The following PDE11A variants were observed in gnomAD, a reference collection of about 807,000 sequenced individuals.
PDE11A encodes phosphodiesterase 11A, also known as dual 3',5'-cyclic-AMP and -GMP phosphodiesterase 11A.
PDE11A carries 100 observed loss-of-function variants against 100.5 expected under a neutral mutation model. That is an observed-to-expected ratio of 1.00 (90% CI 0.85 to 1.18). PDE11A has a LOEUF of 1.18. Ranked by LOEUF, PDE11A falls within the 50% of genes most tolerant of loss-of-function variation. PDE11A has a pLI of 0.00. For synonymous variants in PDE11A, 381 were observed against 420.8 expected (o/e 0.91, Z 1.16); for missense variants, 1,141 against 1,152.6 (o/e 0.99, Z 0.15).
intron 1 of PDE11A, among the ~76,000 whole-genome samples, chr2:178,060,457 G>A (rs544702651): frequency 6.6e-6 from 1 of 151,994 alleles, no homozygotes; most frequent in Admixed American, 6.6e-5. Context: ...TTTTTACTGA[G>A]CCCAAACAAA....
At chr2:177,836,065 T>C (rs1198451334) in intron 6 of PDE11A, among the ~76,000 whole-genome samples, 1 of 152,234 alleles carries the variant, frequency 6.6e-6, no homozygotes, top group African/African-American at 2.4e-5. Context: ...GGGCACACAG[T>C]GCAGGACTGA....
intron 16 of PDE11A, among the ~76,000 whole-genome samples, chr2:177,677,712 G>A (rs1309319637): frequency 6.6e-6 from 1 of 152,156 alleles, no homozygotes; most frequent in African/African-American, 2.4e-5. Flanking sequence ...AGATTGCAAA[G>A]GAAGAACTGA....
chr2:177,876,066 G>A (rs2084235824), intron 4 of PDE11A, 143 bp from the exon 5 acceptor site: 1 of 682,136 alleles, frequency 1.5e-6, no homozygotes, highest in Non-Finnish European at 2.7e-6. Flanking sequence ...TCCCAAGACA[G>A]AGTAGAAGAG....
intron 2 of PDE11A, among the ~76,000 whole-genome samples, chr2:177,950,236 C>CAG (rs1175591184): frequency 1.4e-5 from 2 of 143,376 alleles, no homozygotes; most frequent in African/African-American, 5.1e-5. Flanking sequence ...TTTTTTTTTG[C>CAG]ACCTTTTCCA....
In PDE11A at chr2:177,903,783, A is replaced by G. The variant is rs145503722; in HGVS notation, c.1161+1315T>C. On this transcript the variant is annotated intron_variant, in intron 3 of 19. Coordinates refer to ENST00000286063, the MANE Select transcript of PDE11A (RefSeq NM_016953.4). ...TGTGGTTGGAAGGAGTTGGATTGAC[A>G]TGAGGCATTGAAGGCCGAGGGAGGA... is the stretch of plus-strand genomic sequence containing the variant. Among the ~76,000 whole-genome samples the G allele has an allele frequency of 2.5e-3, 381 of 152,338 alleles. 1 individual carries two copies. The highest frequency in any genetic ancestry group is 3.6e-3 in the Non-Finnish European group (246 of 68,028).
At chr2:177,745,087 A>G (rs1366813734) in intron 10 of PDE11A, among the ~76,000 whole-genome samples, 2 of 152,206 alleles carry the variant, frequency 1.3e-5, no homozygotes, top group Non-Finnish European at 2.9e-5. Context: ...ATATTGCCCC[A>G]GCATTTTTAG....
intron 18 of PDE11A, 92 bp downstream of exon 18, chr2:177,669,401 C>T: frequency 2.7e-6 from 2 of 754,254 alleles, no homozygotes; most frequent in Non-Finnish European, 4.9e-6. Context: ...AACCCATTTT[C>T]AGTCTTTCCC....
chr2:177,788,034 G>A (rs537517282), intron 9 of PDE11A, among the ~76,000 whole-genome samples: 59 of 151,886 alleles, frequency 3.9e-4, no homozygotes, highest in African/African-American at 8.2e-4. Context: ...TGCACCAAGC[G>A]GACCTAATAG....
At chr2:177,790,133 A>C (rs2082607705) in intron 9 of PDE11A, among the ~76,000 whole-genome samples, 1 of 151,350 alleles carries the variant, frequency 6.6e-6, no homozygotes, top group African/African-American at 2.4e-5. Context: ...ACCTGACTTC[A>C]AACTATACTA....
rs763032610 is a variant in PDE11A at position 177,680,835 on chromosome 2, T to C, written c.2414A>G (p.Asp805Gly). The C allele has an allele frequency of 3.6e-5, 57 of 1,566,444 alleles. No homozygotes were observed. Among genetic ancestry groups the C allele is most frequent in the Non-Finnish European group, 4.6e-5 (52 of 1,137,576 alleles). The change falls in exon 16 of 20, where the codon GAT becomes GGT. Residue 805 changes from aspartate to glycine, a missense_variant. Coordinates refer to ENST00000286063, the MANE Select transcript of PDE11A (RefSeq NM_016953.4). ...EYDWNIKNHR[D>G]IFRSMLMTAC... ...AAGAGCTTTTTCTTACCGAAATATATCACGATGGTTTTTGATGTTCCAATC... is the reference window on the plus strand; with the variant it reads ...AAGAGCTTTTTCTTACCGAAATATACCACGATGGTTTTTGATGTTCCAATC...
chr2:177,641,520 G>A (rs532393932), intron 19 of PDE11A, among the ~76,000 whole-genome samples: 5 of 152,020 alleles, frequency 3.3e-5, no homozygotes, highest in African/African-American at 9.6e-5. Context: ...GGAGCTGGCT[G>A]TGGAGTCCAG....
At chr2:178,105,847 C>A in intron 1 of PDE11A, 1 of 339,346 alleles carries the variant, frequency 2.9e-6, no homozygotes. Flanking sequence ...TAAACACTTG[C>A]GGTTTCTGTC....
At chr2:177,771,995 C>G (rs1407323709) in intron 9 of PDE11A, among the ~76,000 whole-genome samples, 2 of 145,460 alleles carry the variant, frequency 1.4e-5, no homozygotes, top group Non-Finnish European at 3.0e-5. Context: ...GAGTGAGACT[C>G]TGTCTCAATA....
intron 13 of PDE11A, among the ~76,000 whole-genome samples, chr2:177,711,526 G>A (rs1346923864): frequency 1.3e-5 from 2 of 152,146 alleles, no homozygotes; most frequent in African/African-American, 4.8e-5. Flanking sequence ...TCCAAGCTTT[G>A]TTATCTGAGT....
intron 1 of PDE11A, among the ~76,000 whole-genome samples, chr2:178,025,071 G>A: frequency 6.6e-6 from 1 of 152,278 alleles, no homozygotes; most frequent in East Asian, 1.9e-4. Context: ...GAGAAAAAGT[G>A]AAAAATTATC....
intron 1 of PDE11A, among the ~76,000 whole-genome samples, chr2:178,021,544 A>G (rs1024373302): frequency 1.3e-5 from 2 of 152,344 alleles, no homozygotes; most frequent in Admixed American, 1.3e-4. Context: ...GAAAATAATT[A>G]GATAAAGGAA....
At chr2:178,016,933 T>C (rs4335982) in intron 1 of PDE11A, among the ~76,000 whole-genome samples, 91,801 of 152,008 alleles carry the variant, frequency 0.6, 29,097 homozygotes, top group Admixed American at 0.71. Context: ...GGAAAACCTT[T>C]GAAGATCTTG....
At chr2:177,773,604 A>G (rs928295015) in intron 9 of PDE11A, among the ~76,000 whole-genome samples, 2 of 152,186 alleles carry the variant, frequency 1.3e-5, no homozygotes, top group African/African-American at 4.8e-5. Flanking sequence ...TATTTATTCT[A>G]CCTAATTAGA....
chr2:178,013,849 CAATT>C (rs1180809002), intron 2 of PDE11A, among the ~76,000 whole-genome samples: 10 of 152,102 alleles, frequency 6.6e-5, no homozygotes, highest in Non-Finnish European at 1.0e-4. Flanking sequence ...TTTGAAATAA[CAATT>C]AAATAACATT....
Sources: allele counts gnomAD v4.1 joint callset (sites outside exome capture counted in the v4.1 genomes callset), GRCh38; gene constraint gnomAD v4.1.1; transcripts MANE v1.5; gene names NCBI Gene and HGNC (gene_info 2026-07-23, HGNC 2026-07-21).